The following SPAG16 variants were observed in gnomAD, a reference collection of about 807,000 sequenced individuals.
SPAG16 encodes the protein sperm-associated antigen 16 protein.
In SPAG16, 86 loss-of-function variants were observed where a neutral mutation model predicts 80.4. The observed-to-expected ratio is 1.07, with a 90% CI of 0.90 to 1.28. SPAG16 has a LOEUF of 1.28. SPAG16 is among the 50% of genes most tolerant of loss of function. The pLI is 0.00. For synonymous variants in SPAG16, 294 were observed against 265.9 expected (o/e 1.11, Z -1.03); for missense variants, 870 against 765.3 (o/e 1.14, Z -1.61).
chr2:213,439,467 T>A (rs2070814885), intron 9 of SPAG16, among the ~76,000 whole-genome samples: 1 of 152,182 alleles, frequency 6.6e-6, no homozygotes. Context: ...GGAACTATCA[T>A]TATGTTGTGG....
At chr2:213,848,171 C>T (rs1310639521) in intron 10 of SPAG16, among the ~76,000 whole-genome samples, 1 of 152,176 alleles carries the variant, frequency 6.6e-6, no homozygotes, top group Non-Finnish European at 1.5e-5. Context: ...AATGGAAGCT[C>T]TACGTCTTGT....
At position 213,361,368 on chromosome 2, in the gene SPAG16, G is replaced by A. The variant is rs981009497; in HGVS notation, c.763-2708G>A. On this transcript the variant is annotated intron_variant, in intron 7 of 15. Coordinates refer to ENST00000331683, the MANE Select transcript of SPAG16 (RefSeq NM_024532.5). ...TCTAACTCAGAATATGTATGTATGT[G>A]TGTGTGTGTGTATATATATATATAT... Among the ~76,000 whole-genome samples, 6 of 149,458 alleles carry A rather than the reference G, an allele frequency of 4.0e-5. No individual in the cohort carries two copies. In the South Asian group the frequency reaches 6.3e-4, roughly 16 times the overall value.
At chr2:213,753,616 T>C (rs1315807297) in intron 10 of SPAG16, among the ~76,000 whole-genome samples, 1 of 152,206 alleles carries the variant, frequency 6.6e-6, no homozygotes, top group African/African-American at 2.4e-5. Flanking sequence ...AGCAGGAAAC[T>C]GTAAACAGGT....
intron 10 of SPAG16, among the ~76,000 whole-genome samples, chr2:213,625,451 C>G (rs181649937): frequency 6.6e-6 from 1 of 151,980 alleles, no homozygotes; most frequent in African/African-American, 2.4e-5. Context: ...GTACCCACAA[C>G]AATTTAAAAA....
chr2:214,128,040 T>C (rs2054581080), intron 14 of SPAG16, among the ~76,000 whole-genome samples: 1 of 151,870 alleles, frequency 6.6e-6, no homozygotes, highest in African/African-American at 2.4e-5. Context: ...AAATGTCCTT[T>C]AATTCTCAAG....
At chr2:214,208,394 G>A (rs991927454) in intron 15 of SPAG16, among the ~76,000 whole-genome samples, 2 of 152,064 alleles carry the variant, frequency 1.3e-5, no homozygotes, top group South Asian at 2.1e-4. Flanking sequence ...AAAATGGTAA[G>A]GACTCTACTT....
chr2:214,230,212 T>G (rs1688593598), intron 15 of SPAG16, among the ~76,000 whole-genome samples: 2 of 151,988 alleles, frequency 1.3e-5, no homozygotes, highest in Non-Finnish European at 2.9e-5. Context: ...TGTTACGTGA[T>G]TCTAGATAAT....
rs897472468 is a variant in SPAG16, at chr2:213,603,254, C to A, written c.1070+113164C>A. ...CTGTATTTTCTACTTTCTGTGAAAC[C>A]CTTGTTTATATCTTTCGCTCATTTT... On this transcript the variant is annotated intron_variant, in intron 10 of 15. Coordinates refer to ENST00000331683, the MANE Select transcript of SPAG16 (RefSeq NM_024532.5). Among the ~76,000 whole-genome samples, 3 of 152,086 alleles carry A rather than the reference C, an allele frequency of 2.0e-5. No individual in the cohort carries two copies. The East Asian group carries it at 5.8e-4, about 29-fold the overall frequency.
intron 12 of SPAG16, among the ~76,000 whole-genome samples, chr2:213,964,919 G>C (rs2044631904): frequency 6.6e-6 from 1 of 152,064 alleles, no homozygotes; most frequent in Non-Finnish European, 1.5e-5. Flanking sequence ...GTGTGACTTT[G>C]TTTAGTTTTT....
At chr2:213,574,389 A>C (rs544131890) in intron 10 of SPAG16, among the ~76,000 whole-genome samples, 203 of 152,234 alleles carry the variant, frequency 1.3e-3, no homozygotes, top group Admixed American at 3.8e-3. Context: ...TTAAGGAGAC[A>C]AGGAGCACTC....
chr2:213,941,576 G>A (rs2079200724), intron 12 of SPAG16, among the ~76,000 whole-genome samples: 1 of 151,984 alleles, frequency 6.6e-6, no homozygotes. Flanking sequence ...CAATGAGCTT[G>A]GAACATACTG....
At chr2:213,363,812 T>C (rs1056001114) in intron 7 of SPAG16, among the ~76,000 whole-genome samples, 5 of 152,114 alleles carry the variant, frequency 3.3e-5, no homozygotes, top group Non-Finnish European at 7.4e-5. Flanking sequence ...ATGAGTATTC[T>C]TAATTCAGGA....
intron 15 of SPAG16, among the ~76,000 whole-genome samples, chr2:214,177,900 C>T (rs28531720): frequency 1.6e-5 from 1 of 64,000 alleles, no homozygotes; most frequent in Non-Finnish European, 2.8e-5. Flanking sequence ...TATATATATA[C>T]ATATATATAT....
rs147151271 is a variant in SPAG16, at chr2:213,985,869, A to C, written c.1401-28082A>C. On this transcript the variant is annotated intron_variant, in intron 12 of 15. Coordinates refer to ENST00000331683, the MANE Select transcript of SPAG16 (RefSeq NM_024532.5). Reference sequence around the variant, plus strand: ...ATGAACTCAGAGAAAGAGCAGAGTTATGCAAGGAATGGCCCTCCAACATGC... The same window carrying C: ...ATGAACTCAGAGAAAGAGCAGAGTTCTGCAAGGAATGGCCCTCCAACATGC... 7.0e-3 allele frequency among the ~76,000 whole-genome samples: 1,062 copies of C among 152,238 alleles called. 13 individuals carry two copies. The highest frequency in any genetic ancestry group is 0.011 in the Non-Finnish European group (741 of 67,992).
chr2:213,861,960 C>G (rs2075484798), intron 10 of SPAG16, among the ~76,000 whole-genome samples: 1 of 152,084 alleles, frequency 6.6e-6, no homozygotes, highest in African/African-American at 2.4e-5. Context: ...AGTTCCTTCA[C>G]TTTGTGTAGA....
intron 10 of SPAG16, among the ~76,000 whole-genome samples, chr2:213,849,939 G>T (rs1046085668): frequency 6.6e-6 from 1 of 152,086 alleles, no homozygotes. Context: ...TCTCAAACTT[G>T]TTAAATCATA....
rs568017692 is a variant in SPAG16, at chr2:213,962,125, G to A, written c.1400+31980G>A. ...CCAAGTAATTCTATTTGGAGATAAGGCATTTAAAGCGGTAATTATGGTTAA... is the reference window on the plus strand; with the variant it reads ...CCAAGTAATTCTATTTGGAGATAAGACATTTAAAGCGGTAATTATGGTTAA... On this transcript the variant is annotated intron_variant, in intron 12 of 15. Coordinates refer to ENST00000331683, the MANE Select transcript of SPAG16 (RefSeq NM_024532.5). Among the ~76,000 whole-genome samples, 23 of 152,056 alleles carry A rather than the reference G, an allele frequency of 1.5e-4. No homozygotes were observed. In the South Asian group the frequency reaches 4.8e-3, roughly 32 times the overall value.
At chr2:213,908,088 T>C (rs1450951322) in intron 11 of SPAG16, among the ~76,000 whole-genome samples, 1 of 152,228 alleles carries the variant, frequency 6.6e-6, no homozygotes, top group Non-Finnish European at 1.5e-5. Context: ...TCACTTACTG[T>C]ATACTTATAT....
At chr2:213,616,641 C>T (rs1251141313) in intron 10 of SPAG16, among the ~76,000 whole-genome samples, 2 of 152,176 alleles carry the variant, frequency 1.3e-5, no homozygotes, top group African/African-American at 4.8e-5. Context: ...TGATCTCTGG[C>T]CCAAACTACT....
Sources: allele counts gnomAD v4.1 joint callset (sites outside exome capture counted in the v4.1 genomes callset), GRCh38; gene constraint gnomAD v4.1.1; transcripts MANE v1.5; gene names NCBI Gene and HGNC (gene_info 2026-07-23, HGNC 2026-07-21).